DPP10: variants seen among roughly 807,000 people sequenced by gnomAD.
DPP10 encodes the protein inactive dipeptidyl peptidase 10.
DPP10 carries 33 observed loss-of-function variants against 120.9 expected under a neutral mutation model. The observed-to-expected ratio is 0.27, with a 90% CI of 0.21 to 0.37. The LOEUF (loss-of-function observed/expected upper bound fraction) is 0.37, where lower values mean the gene tolerates loss of function less well. DPP10 is among the 10% of genes least tolerant of loss of function. The pLI, the probability that DPP10 is intolerant of heterozygous loss-of-function variation, is 1.00. For missense variants in DPP10, 816 were observed against 942.8 expected, an observed-to-expected ratio of 0.87 and a Z score of 1.76; for synonymous variants, 337 against 326.1, an observed-to-expected ratio of 1.03 and a Z score of -0.36.
intron 5 of DPP10, among the ~76,000 whole-genome samples, chr2:115,539,335 T>C (rs145226721): frequency 6.5e-4 from 99 of 152,116 alleles, no homozygotes; most frequent in Admixed American, 2.4e-3. Context: ...GCCCTTGATA[T>C]GAAATGGTGC....
In DPP10 at chr2:115,026,045, T is replaced by C. The variant is rs1703437161; in HGVS notation, c.61-283194T>C. Among the ~76,000 whole-genome samples, 4 of 152,176 alleles carry C rather than the reference T, an allele frequency of 2.6e-5. No individual in the cohort carries two copies. In the South Asian group the frequency reaches 6.2e-4, roughly 24 times the overall value. ...GCTTGATGTGATCCCATTTGTTTAT[T>C]TTTGCTTTTGTTGCCTGTGCTTTTG... is the stretch of plus-strand genomic sequence containing the variant. On this transcript the variant is annotated intron_variant, in intron 1 of 25. Transcript: ENST00000410059.
chr2:115,740,374 AT>A (rs1456935375), intron 9 of DPP10, among the ~76,000 whole-genome samples: 3 of 152,166 alleles, frequency 2.0e-5, no homozygotes, highest in African/African-American at 7.2e-5. Context: ...TCTATAAAAA[AT>A]AGACTATGCA....
chr2:115,590,068 G>A (rs940345601), intron 5 of DPP10, among the ~76,000 whole-genome samples: 10 of 150,130 alleles, frequency 6.7e-5, no homozygotes, highest in Non-Finnish European at 1.5e-4. Context: ...AGCCAAAGGA[G>A]CAGCAGAGTA....
chr2:115,793,819 C>T (rs546540715), intron 19 of DPP10, among the ~76,000 whole-genome samples: 3 of 151,838 alleles, frequency 2.0e-5, no homozygotes, highest in African/African-American at 7.3e-5. Context: ...TTATCGAAAG[C>T]GTCACAGAAT....
rs59816892 is a variant in DPP10, at chr2:115,590,151, T to TTTA, written c.441+64211_441+64213dup. ...TTTCCCCCATATGGTATTTGTTTTC[T>TTTA]TTATTATTATTATTATTATTATTAT... On this transcript the variant is annotated intron_variant, in intron 5 of 25. Coordinates refer to ENST00000410059, the MANE Select transcript of DPP10 (RefSeq NM_020868.6). 4.4e-3 allele frequency among the ~76,000 whole-genome samples: 610 copies of TTTA among 138,760 alleles called. 2 individuals are homozygous for TTTA. Among genetic ancestry groups the TTTA allele is most frequent in the African/African-American group, 8.3e-3 (308 of 37,198 alleles). 91.0% of individuals were successfully genotyped at this position (138,760 alleles called of 152,430 possible).
At chr2:115,154,013 A>G (rs972394337) in intron 1 of DPP10, among the ~76,000 whole-genome samples, 2 of 152,198 alleles carry the variant, frequency 1.3e-5, no homozygotes, top group African/African-American at 4.8e-5. Flanking sequence ...AGCTTATTTA[A>G]TATGTGTGCA....
At chr2:115,379,936 G>T (rs1473126551) in intron 3 of DPP10, among the ~76,000 whole-genome samples, 2 of 152,096 alleles carry the variant, frequency 1.3e-5, no homozygotes, top group South Asian at 2.1e-4. Context: ...TATAATTTCT[G>T]TTCTTTTACA....
chr2:115,010,664 T>A (rs1008700285), intron 1 of DPP10, among the ~76,000 whole-genome samples: 2 of 152,206 alleles, frequency 1.3e-5, no homozygotes, highest in African/African-American at 4.8e-5. Flanking sequence ...ACATATCATA[T>A]CTGGAAATGG....
At chr2:114,748,338 C>CTTTTTTTTTTTTTTTTTTTTTTTTTT (rs1255227047) in intron 1 of DPP10, among the ~76,000 whole-genome samples, 1 of 70,322 alleles carries the variant, frequency 1.4e-5, no homozygotes, top group Non-Finnish European at 2.8e-5. Flanking sequence ...AGGGAATTTT[C>CTTTTTTTTTTTTTTTTTTTTTTTTTT]TTTTTTTTTT....
At chr2:115,418,687 A>C (rs2069656073) in intron 3 of DPP10, among the ~76,000 whole-genome samples, 1 of 151,638 alleles carries the variant, frequency 6.6e-6, no homozygotes, top group African/African-American at 2.4e-5. Flanking sequence ...AAGGAGGATC[A>C]CTTGAGCCCA....
At chr2:114,750,897 T>C (rs573144113) in intron 1 of DPP10, among the ~76,000 whole-genome samples, 2 of 152,208 alleles carry the variant, frequency 1.3e-5, no homozygotes, top group Non-Finnish European at 2.9e-5. Context: ...GAGACACCAG[T>C]TGAAATTATC....
At chr2:114,892,644 C>A (rs13386422) in intron 1 of DPP10, among the ~76,000 whole-genome samples, 37 of 152,324 alleles carry the variant, frequency 2.4e-4, no homozygotes, top group African/African-American at 8.2e-4. Flanking sequence ...ATCAGGGAGT[C>A]AGTGGAACTG....
At chr2:115,510,534 G>T (rs2077170252) in intron 4 of DPP10, among the ~76,000 whole-genome samples, 1 of 152,028 alleles carries the variant, frequency 6.6e-6, no homozygotes, top group African/African-American at 2.4e-5. Flanking sequence ...CAGAAGTTCA[G>T]TCTTGACTGT....
intron 1 of DPP10, among the ~76,000 whole-genome samples, chr2:115,172,976 G>A (rs1204232775): frequency 1.3e-5 from 2 of 152,202 alleles, no homozygotes; most frequent in African/African-American, 2.4e-5. Flanking sequence ...TGGATTGGGA[G>A]TTGGTTAAGA....
rs78445567 is a variant in DPP10 at position 114,798,442 on chromosome 2, G to A, written c.60+355604G>A. Among the ~76,000 whole-genome samples the A allele has an allele frequency of 5.3e-4, 80 of 152,168 alleles. 1 individual carries two copies. The East Asian group carries it at 0.012, about 24-fold the overall frequency. On this transcript the variant is annotated intron_variant, in intron 1 of 25. Coordinates refer to ENST00000410059, the MANE Select transcript of DPP10 (RefSeq NM_020868.6). ...TTATTAGAGAAGAAGAATAAGAATT[G>A]GACTTGTAACTAAGGGGTGTGTTGC...
At chr2:115,568,817 C>G (rs914559980) in intron 5 of DPP10, among the ~76,000 whole-genome samples, 1 of 152,162 alleles carries the variant, frequency 6.6e-6, no homozygotes, top group South Asian at 2.1e-4. Flanking sequence ...CTAAAATACA[C>G]TTTTTAAGTT....
intron 8 of DPP10, among the ~76,000 whole-genome samples, chr2:115,729,027 G>T (rs1027182963): frequency 1.3e-5 from 2 of 152,098 alleles, no homozygotes; most frequent in Non-Finnish European, 2.9e-5. Flanking sequence ...ATTTTTAGAG[G>T]CTACAATTTA....
chr2:115,068,008 G>T (rs1010617911), intron 1 of DPP10, among the ~76,000 whole-genome samples: 1 of 151,720 alleles, frequency 6.6e-6, no homozygotes. Context: ...CTTGGCCATT[G>T]TGAATAATGC....
intron 3 of DPP10, among the ~76,000 whole-genome samples, chr2:115,346,034 T>G (rs2063695008): frequency 6.6e-6 from 1 of 152,206 alleles, no homozygotes; most frequent in South Asian, 2.1e-4. Flanking sequence ...GAATGCAGTC[T>G]TTATAAATAC....
Sources: allele counts gnomAD v4.1 joint callset (sites outside exome capture counted in the v4.1 genomes callset), GRCh38; gene constraint gnomAD v4.1.1; transcripts MANE v1.5; gene names NCBI Gene and HGNC (gene_info 2026-07-23, HGNC 2026-07-21).